STX8: variants seen among roughly 807,000 people sequenced by gnomAD.
The protein encoded by STX8 is syntaxin 8.
STX8 carries 23 observed loss-of-function variants against 37.5 expected under a neutral mutation model. The observed-to-expected ratio is 0.61, with a 90% CI of 0.44 to 0.87. STX8 has a LOEUF of 0.87. Among genes scored for constraint, STX8 ranks in the 40% least tolerant of loss-of-function variants. The pLI, the probability that STX8 is intolerant of heterozygous loss-of-function variation, is 0.00. For missense variants in STX8, 313 were observed against 284.7 expected, an observed-to-expected ratio of 1.10 and a Z score of -0.71; for synonymous variants, 115 against 99.1, an observed-to-expected ratio of 1.16 and a Z score of -0.95.
intron 4 of STX8, among the ~76,000 whole-genome samples, chr17:9,534,430 A>C (rs986009347): frequency 6.6e-6 from 1 of 152,184 alleles, no homozygotes; most frequent in Non-Finnish European, 1.5e-5. Flanking sequence ...CACAATCCCA[A>C]TTGTTTTTAA....
chr17:9,478,640 T>C (rs914455803), intron 6 of STX8, among the ~76,000 whole-genome samples: 1 of 152,224 alleles, frequency 6.6e-6, no homozygotes, highest in African/African-American at 2.4e-5. Flanking sequence ...CTGTGAGGTT[T>C]TCACACTGTG....
intron 7 of STX8, 26 bp downstream of exon 7, chr17:9,378,526 A>G: frequency 6.3e-7 from 1 of 1,580,916 alleles, no homozygotes; most frequent in Non-Finnish European, 8.7e-7. Context: ...TGACAGAAAC[A>G]GAGCCATAAC....
intron 6 of STX8, among the ~76,000 whole-genome samples, chr17:9,471,301 G>A (rs896150140): frequency 5.9e-5 from 9 of 151,414 alleles, no homozygotes; most frequent in Admixed American, 4.0e-4. Context: ...ACAGGCGCCC[G>A]CCATCACACC....
rs538984626 is a variant in STX8, at chr17:9,550,839, T to C, written c.213-5557A>G. Among the ~76,000 whole-genome samples, 4 of 152,232 alleles carry C rather than the reference T, an allele frequency of 2.6e-5. No homozygotes were observed. The South Asian group carries it at 8.3e-4, about 32-fold the overall frequency. Reference sequence around the variant, plus strand: ...CCTGTAATCCCAGCACTTTGGGATGTTGAGGTGGGTGAATCACCTGAGGTC... The same window carrying C: ...CCTGTAATCCCAGCACTTTGGGATGCTGAGGTGGGTGAATCACCTGAGGTC... On this transcript the variant is annotated intron_variant, in intron 3 of 7. Transcript: ENST00000306357.
At chr17:9,508,614 C>A (rs765833577) in intron 4 of STX8, among the ~76,000 whole-genome samples, 5 of 152,192 alleles carry the variant, frequency 3.3e-5, no homozygotes, top group Non-Finnish European at 7.3e-5. Context: ...CAGGTGTGAG[C>A]CACCATGCGT....
intron 7 of STX8, among the ~76,000 whole-genome samples, chr17:9,343,033 A>AAAAAAG (rs1910423253): frequency 6.8e-6 from 1 of 146,912 alleles, no homozygotes; most frequent in African/African-American, 2.6e-5. Context: ...AAAAAAAAAA[A>AAAAAAG]AAAAAAAAAA....
At chr17:9,494,916 G>A (rs1904331599) in intron 5 of STX8, among the ~76,000 whole-genome samples, 1 of 151,998 alleles carries the variant, frequency 6.6e-6, no homozygotes, top group Admixed American at 6.6e-5. Flanking sequence ...TGTTCACCAC[G>A]GAACACGCCG....
chr17:9,542,389 AAAC>A (rs1465213167), intron 4 of STX8, among the ~76,000 whole-genome samples: 1 of 149,130 alleles, frequency 6.7e-6, no homozygotes, highest in Non-Finnish European at 1.5e-5. Flanking sequence ...AACAACAAAA[AAAC>A]AAGGGCCGGG....
intron 4 of STX8, among the ~76,000 whole-genome samples, chr17:9,536,378 A>AATC (rs932085261): frequency 1.3e-5 from 2 of 152,140 alleles, no homozygotes; most frequent in African/African-American, 4.8e-5. Flanking sequence ...CTGGGCTGTC[A>AATC]ATCAACCCTC....
At chr17:9,322,897 T>G (rs1336827883) in intron 7 of STX8, among the ~76,000 whole-genome samples, 1 of 146,764 alleles carries the variant, frequency 6.8e-6, no homozygotes, top group Non-Finnish European at 1.5e-5. Context: ...ATTCCTTTTA[T>G]GAGGAAAAAA....
intron 7 of STX8, among the ~76,000 whole-genome samples, chr17:9,271,263 G>A (rs1266214818): frequency 6.6e-6 from 1 of 152,020 alleles, no homozygotes; most frequent in East Asian, 1.9e-4. Context: ...AGACCAGCCT[G>A]GCCAACATGG....
At chr17:9,286,944 T>A (rs185013302) in intron 7 of STX8, among the ~76,000 whole-genome samples, 44 of 152,276 alleles carry the variant, frequency 2.9e-4, no homozygotes, top group Admixed American at 2.6e-3. Flanking sequence ...GCCTCTTGTC[T>A]GTGATATGGG....
chr17:9,360,980 C>T (rs1203824556), intron 7 of STX8, among the ~76,000 whole-genome samples: 1 of 152,108 alleles, frequency 6.6e-6, no homozygotes, highest in Non-Finnish European at 1.5e-5. Context: ...GCTGCTAGTC[C>T]AGAGAAATTG....
At chr17:9,428,304 G>A (rs574295588) in intron 6 of STX8, among the ~76,000 whole-genome samples, 23 of 152,296 alleles carry the variant, frequency 1.5e-4, no homozygotes, top group Non-Finnish European at 2.5e-4. Flanking sequence ...GCAGTGGCGC[G>A]ATCTCGGCTC....
chr17:9,382,389 C>G (rs1911855014), intron 6 of STX8, among the ~76,000 whole-genome samples: 1 of 152,152 alleles, frequency 6.6e-6, no homozygotes, highest in Non-Finnish European at 1.5e-5. Flanking sequence ...TGTAAACAGA[C>G]TAAACTTTTC....
intron 4 of STX8, among the ~76,000 whole-genome samples, chr17:9,534,214 A>T (rs1327004259): frequency 3.9e-5 from 6 of 152,180 alleles, no homozygotes; most frequent in Non-Finnish European, 8.8e-5. Flanking sequence ...AGTACAATTT[A>T]AAAAACCTGG....
chr17:9,361,896 C>T (rs755057610), intron 7 of STX8, among the ~76,000 whole-genome samples: 2 of 152,210 alleles, frequency 1.3e-5, no homozygotes, highest in Admixed American at 6.5e-5. Context: ...ACTTTAATAA[C>T]CCTACAAACC....
intron 1 of STX8, chr17:9,569,446 G>A (rs750664856): frequency 1.3e-5 from 2 of 154,260 alleles, no homozygotes; most frequent in Admixed American, 6.6e-5. Flanking sequence ...GGAACAGCAA[G>A]TATTGTCTAG....
intron 7 of STX8, among the ~76,000 whole-genome samples, chr17:9,342,438 A>T (rs2086063403): frequency 6.6e-6 from 1 of 152,136 alleles, no homozygotes; most frequent in South Asian, 2.1e-4. Flanking sequence ...TGACAGAGAA[A>T]ATGCAAAGGG....
Sources: allele counts gnomAD v4.1 joint callset (sites outside exome capture counted in the v4.1 genomes callset), GRCh38; gene constraint gnomAD v4.1.1; transcripts MANE v1.5; gene names NCBI Gene and HGNC (gene_info 2026-07-23, HGNC 2026-07-21).